SUSD3: variants seen among roughly 807,000 people sequenced by gnomAD.
SUSD3 encodes sushi domain-containing protein 3.
In SUSD3, 18 loss-of-function variants were observed where a neutral mutation model predicts 20.6. The observed-to-expected ratio is 0.87, with a 90% CI of 0.60 to 1.30. SUSD3 has a LOEUF of 1.30. Among genes scored for constraint, SUSD3 ranks in the 50% most tolerant of loss-of-function variants. SUSD3 has a pLI of 0.00. For synonymous variants in SUSD3, 137 were observed against 141.5 expected, an observed-to-expected ratio of 0.97 and a Z score of 0.23; for missense variants, 306 against 346.9, an observed-to-expected ratio of 0.88 and a Z score of 0.94.
chr9:93,061,957 T>G (rs564731288), intron 1 of SUSD3, among the ~76,000 whole-genome samples: 1 of 152,060 alleles, frequency 6.6e-6, no homozygotes, highest in East Asian at 1.9e-4. Flanking sequence ...GCAGGCGAGG[T>G]CAGGTTATAG....
At chr9:93,059,618 A>G (rs750279768) in intron 1 of SUSD3, among the ~76,000 whole-genome samples, 5 of 152,142 alleles carry the variant, frequency 3.3e-5, no homozygotes, top group Non-Finnish European at 5.9e-5. Context: ...GCCACTGCCC[A>G]CGAACGTTAG....
At chr9:93,076,961 C>G (rs1826190562) in intron 2 of SUSD3, among the ~76,000 whole-genome samples, 1 of 152,218 alleles carries the variant, frequency 6.6e-6, no homozygotes, top group Non-Finnish European at 1.5e-5. Context: ...AGAAGTTGCC[C>G]CACATCACTT....
At chr9:93,068,757 ATACAG>A (rs997876956) in intron 1 of SUSD3, among the ~76,000 whole-genome samples, 1 of 152,232 alleles carries the variant, frequency 6.6e-6, no homozygotes, top group Non-Finnish European at 1.5e-5. Flanking sequence ...AGTTTGGAGA[ATACAG>A]TAGATTCAAT....
At chr9:93,060,549 T>C (rs991889820) in intron 1 of SUSD3, among the ~76,000 whole-genome samples, 2 of 152,056 alleles carry the variant, frequency 1.3e-5, no homozygotes, top group African/African-American at 4.8e-5. Context: ...AAAACACCAC[T>C]GACCAGGAGT....
rs752117817 is a variant in SUSD3, at chr9:93,075,749, C to CA, written c.89-35_89-34insA. 2.1e-3 allele frequency: 463 copies of CA among 215,692 alleles called. 7 individuals carry two copies. The highest frequency in any genetic ancestry group is 0.02 in the South Asian group (415 of 21,204). The allele number at this position is 215,692 out of a possible 1,614,324, so 13.4% of individuals were successfully genotyped here. A position where few individuals can be genotyped will look rare whatever the true frequency, so the allele number is the denominator to read the frequency against. On this transcript the variant is annotated intron_variant, in intron 1 of 4. Transcript: ENST00000375472. ...CCTGCCCTGCGTGCCCACCCCCCCC[C>CA]CCCCGCCATGCCTCATACCTGCCTG...
At chr9:93,068,949 C>A in intron 1 of SUSD3, 1 of 530,610 alleles carries the variant, frequency 1.9e-6, no homozygotes. Context: ...TTAATGATAA[C>A]CAGTAATAAG....
intron 4 of SUSD3, among the ~76,000 whole-genome samples, chr9:93,083,703 C>T (rs1485585357): frequency 5.3e-5 from 8 of 152,338 alleles, no homozygotes; most frequent in Admixed American, 4.6e-4. Context: ...AGCTGCCTTT[C>T]GTCTCCACCA....
chr9:93,080,254 G>A (rs549421132), intron 4 of SUSD3, among the ~76,000 whole-genome samples: 1 of 147,532 alleles, frequency 6.8e-6, no homozygotes, highest in East Asian at 2.0e-4. Context: ...AGGAGGCGGA[G>A]CTTGTAGTGA....
intron 4 of SUSD3, among the ~76,000 whole-genome samples, chr9:93,083,409 C>CCTCA (rs904713179): frequency 6.6e-6 from 1 of 152,238 alleles, no homozygotes; most frequent in African/African-American, 2.4e-5. Context: ...GCTGCCCACC[C>CCTCA]CTCAGGCAGG....
chr9:93,069,195 A>G (rs1200314964), intron 1 of SUSD3: 2 of 698,926 alleles, frequency 2.9e-6, no homozygotes, highest in Admixed American at 2.0e-5. Flanking sequence ...ATGAAATCTC[A>G]CCCATCCCGC....
At chr9:93,063,675 G>C (rs1484450548) in intron 1 of SUSD3, among the ~76,000 whole-genome samples, 3 of 152,118 alleles carry the variant, frequency 2.0e-5, no homozygotes, top group Admixed American at 6.5e-5. Context: ...GCAGGTCAGG[G>C]CTGTGAGCCT....
At chr9:93,076,319 TC>T (rs1826166255) in intron 2 of SUSD3, among the ~76,000 whole-genome samples, 1 of 152,128 alleles carries the variant, frequency 6.6e-6, no homozygotes, top group African/African-American at 2.4e-5. Context: ...GTTCATTCAT[TC>T]ATTCATTCAT....
At chr9:93,076,328 C>T (rs1826166852) in intron 2 of SUSD3, among the ~76,000 whole-genome samples, 1 of 152,126 alleles carries the variant, frequency 6.6e-6, no homozygotes, top group African/African-American at 2.4e-5. Context: ...TTCATTCATT[C>T]ATTCATTCAT....
intron 1 of SUSD3, among the ~76,000 whole-genome samples, chr9:93,064,682 C>T (rs1164513778): frequency 1.3e-5 from 2 of 152,196 alleles, no homozygotes; most frequent in Non-Finnish European, 2.9e-5. Context: ...AACACACGGG[C>T]GGGCAGGGGG....
intron 1 of SUSD3, among the ~76,000 whole-genome samples, chr9:93,069,681 A>G (rs906973377): frequency 3.3e-5 from 5 of 152,178 alleles, no homozygotes; most frequent in African/African-American, 9.7e-5. Flanking sequence ...ACCTTGCTGA[A>G]CTAATTTCTA....
In SUSD3 at chr9:93,062,430, G is replaced by A. The variant is rs1001918142; in HGVS notation, c.88+3600G>A. Among the ~76,000 whole-genome samples the A allele has an allele frequency of 2.6e-4, 40 of 152,346 alleles. 1 individual carries two copies. Among genetic ancestry groups the A allele is most frequent in the Admixed American group, 2.3e-3 (35 of 15,306 alleles). Reference sequence around the variant, plus strand: ...CCCAGCACTAGGCTGGCAGACCAAGGGCAGCCACAACCATGGGCTGGGGAA... The same window carrying A: ...CCCAGCACTAGGCTGGCAGACCAAGAGCAGCCACAACCATGGGCTGGGGAA... On this transcript the variant is annotated intron_variant, in intron 1 of 4. Transcript: ENST00000375472.
chr9:93,064,131 T>A (rs1825614440), intron 1 of SUSD3, among the ~76,000 whole-genome samples: 1 of 152,146 alleles, frequency 6.6e-6, no homozygotes, highest in Non-Finnish European at 1.5e-5. Flanking sequence ...TCACTGCGGC[T>A]TCTGCCTCCT....
chr9:93,079,423 G>C, intron 3 of SUSD3, 48 bp from the exon 4 acceptor site: 2 of 1,601,956 alleles, frequency 1.2e-6, no homozygotes, highest in Non-Finnish European at 1.7e-6. Flanking sequence ...ACCACCGTCA[G>C]GGATACACCT....
intron 1 of SUSD3, among the ~76,000 whole-genome samples, chr9:93,071,406 G>A (rs1480247312): frequency 6.6e-6 from 1 of 152,230 alleles, no homozygotes; most frequent in African/African-American, 2.4e-5. Context: ...AGAACTTGGA[G>A]TCTGATGTTC....
Sources: allele counts gnomAD v4.1 joint callset (sites outside exome capture counted in the v4.1 genomes callset), GRCh38; gene constraint gnomAD v4.1.1; transcripts MANE v1.5; gene names NCBI Gene and HGNC (gene_info 2026-07-23, HGNC 2026-07-21).